Variants in TXNL1 observed in about 807,000 individuals in gnomAD.
The protein encoded by TXNL1 is thioredoxin like 1.
Under a neutral mutation model 35.5 loss-of-function variants are expected in TXNL1, and 14 were observed. The observed-to-expected ratio is 0.39, with a 90% CI of 0.26 to 0.62. The LOEUF (loss-of-function observed/expected upper bound fraction) is 0.62. Among genes scored for constraint, TXNL1 ranks in the 20% least tolerant of loss-of-function variants. The pLI is 0.47. For missense variants in TXNL1, 263 were observed against 349.7 expected, an observed-to-expected ratio of 0.75 and a Z score of 1.98; for synonymous variants, 110 against 115.5, an observed-to-expected ratio of 0.95 and a Z score of 0.31.
At chr18:56,637,563 C>G (rs1474736982) in intron 1 of TXNL1, among the ~76,000 whole-genome samples, 1 of 152,150 alleles carries the variant, frequency 6.6e-6, no homozygotes, top group Non-Finnish European at 1.5e-5. Flanking sequence ...ACCTTTTCTA[C>G]GACCTATAAT....
intron 6 of TXNL1, among the ~76,000 whole-genome samples, chr18:56,613,447 G>C (rs965457122): frequency 6.6e-6 from 1 of 152,158 alleles, no homozygotes; most frequent in African/African-American, 2.4e-5. Context: ...CTAAAAATTA[G>C]CTGATTCTTG....
rs762819272 is a variant in TXNL1, at chr18:56,616,347, C to G, written c.493-33G>C. On this transcript the variant is annotated intron_variant, in intron 4 of 7. Transcript: ENST00000217515. ...GATAAGAGTTTCATTTTAAAGGGCT[C>G]TTGTACACACCTTGAGTACATAAAC... 7 of 1,573,732 alleles carry G rather than the reference C, an allele frequency of 4.4e-6. No individual in the cohort carries two copies. In the Admixed American group the frequency reaches 1.2e-4, roughly 27 times the overall value.
intron 1 of TXNL1, among the ~76,000 whole-genome samples, chr18:56,637,929 A>G (rs1372867141): frequency 6.6e-6 from 1 of 152,220 alleles, no homozygotes; most frequent in Non-Finnish European, 1.5e-5. Context: ...GAAGAGAAAC[A>G]AAGTGTTCGG....
intron 6 of TXNL1, 131 bp from the exon 7 acceptor site, chr18:56,611,228 A>T: frequency 1.7e-6 from 1 of 586,718 alleles, no homozygotes; most frequent in South Asian, 1.9e-5. Context: ...GGCTGGGTGC[A>T]GTGGCTCACG....
chr18:56,615,964 C>T (rs2024079347), intron 5 of TXNL1, among the ~76,000 whole-genome samples: 1 of 151,662 alleles, frequency 6.6e-6, no homozygotes, highest in Non-Finnish European at 1.5e-5. Context: ...AAATCCTGTA[C>T]TAAACACAAA....
chr18:56,635,496 G>C (rs1221490079), intron 1 of TXNL1, among the ~76,000 whole-genome samples: 1 of 152,158 alleles, frequency 6.6e-6, no homozygotes, highest in African/African-American at 2.4e-5. Flanking sequence ...TATGCTAAGT[G>C]AAGTCAAAAA....
rs1397934887 is a variant in TXNL1 at position 56,624,388 on chromosome 18, T to C, written c.269A>G (p.Gln90Arg). The C allele has an allele frequency of 5.0e-6, 8 of 1,613,822 alleles. No individual in the cohort carries two copies. The Admixed American group carries it at 6.7e-5, about 13-fold the overall frequency. The change falls in exon 3 of 8, where the codon CAA becomes CGA. Residue 90 changes from glutamine to arginine, a missense_variant. Transcript: ENST00000217515. ...TCCCACAGCATCTGCTCCTTGATAT[T>C]GATCAATTCTCACTTTGTTTCGAAA... ...LFFRNKVRIDQYQGADAVGLE... is the reference protein window; with the variant it reads ...LFFRNKVRIDRYQGADAVGLE...
chr18:56,622,975 C>G (rs1447086920), intron 3 of TXNL1, among the ~76,000 whole-genome samples: 1 of 152,104 alleles, frequency 6.6e-6, no homozygotes, highest in Non-Finnish European at 1.5e-5. Flanking sequence ...TTCTGACACC[C>G]TTACAATCTC....
At chr18:56,630,294 T>C (rs1447415380) in intron 1 of TXNL1, among the ~76,000 whole-genome samples, 1 of 151,900 alleles carries the variant, frequency 6.6e-6, no homozygotes, top group African/African-American at 2.4e-5. Flanking sequence ...TTGGGGAATA[T>C]TTGAAAAGAA....
chr18:56,612,307 T>C (rs1428372595), intron 6 of TXNL1, among the ~76,000 whole-genome samples: 1 of 152,084 alleles, frequency 6.6e-6, no homozygotes, highest in East Asian at 1.9e-4. Context: ...GATATTCCTG[T>C]ATCCATTCTA....
chr18:56,621,216 T>TG (rs1487488477), intron 3 of TXNL1, among the ~76,000 whole-genome samples: 2 of 151,850 alleles, frequency 1.3e-5, no homozygotes, highest in African/African-American at 4.8e-5. Context: ...TTTTTTTTTT[T>TG]TTTTTTGAAA....
intron 1 of TXNL1, among the ~76,000 whole-genome samples, chr18:56,627,281 T>C (rs2144325572): frequency 6.6e-6 from 1 of 152,254 alleles, no homozygotes; most frequent in Non-Finnish European, 1.5e-5. Context: ...ATGGAGGAAT[T>C]TACTCTGCTT....
In TXNL1 at chr18:56,599,118, A is replaced by C. The variant is rs899402940; in HGVS notation, c.*3909T>G. On this transcript the variant is annotated 3_prime_UTR_variant, in exon 8 of 8. Coordinates refer to ENST00000217515, the MANE Select transcript of TXNL1 (RefSeq NM_004786.3). The stretch of plus-strand genomic sequence containing the variant: ...GATTTTAATATTCCAAGCTGTGTAC[A>C]ATTTTAGTACATTCAAATTCTAAAG... 1.3e-5 allele frequency: 2 copies of C among 152,240 alleles called. No homozygotes were observed. Among genetic ancestry groups the C allele is most frequent in the African/African-American group, 4.8e-5 (2 of 41,468 alleles). The allele number at this position is 152,240 out of a possible 1,614,324, so 9.4% of individuals were successfully genotyped here. A position where few individuals can be genotyped will look rare whatever the true frequency, so the allele number is the denominator to read the frequency against.
chr18:56,606,600 C>T (rs1048833292), intron 7 of TXNL1, among the ~76,000 whole-genome samples: 25 of 152,186 alleles, frequency 1.6e-4, no homozygotes, highest in Non-Finnish European at 5.9e-5. Flanking sequence ...TAGTTCAAGG[C>T]CCTCTTTCTT....
intron 6 of TXNL1, among the ~76,000 whole-genome samples, chr18:56,612,419 T>A (rs1168607681): frequency 6.6e-6 from 1 of 151,998 alleles, no homozygotes; most frequent in Non-Finnish European, 1.5e-5. Flanking sequence ...ATTTAATAAC[T>A]CCCCTCAGCA....
intron 3 of TXNL1, among the ~76,000 whole-genome samples, chr18:56,621,779 C>G (rs139042151): frequency 0.019 from 2,818 of 152,014 alleles, 72 homozygotes; most frequent in African/African-American, 0.062. Context: ...ACAGGTGGAT[C>G]ACCTGAGGTC....
chr18:56,631,246 T>C (rs1467316463), intron 1 of TXNL1, among the ~76,000 whole-genome samples: 1 of 152,140 alleles, frequency 6.6e-6, no homozygotes, highest in Non-Finnish European at 1.5e-5. Flanking sequence ...CAAATTTCCA[T>C]TAGCTGAGAT....
chr18:56,600,222 A>G lies in TXNL1; in HGVS notation c.*2805T>C, dbSNP rs184737436. ...AACTGCATTCCTATAATCGCTGCCA[A>G]AAACACTGCATACATCCTCAAACAT... On this transcript the variant is annotated 3_prime_UTR_variant, in exon 8 of 8. Coordinates refer to ENST00000217515, the MANE Select transcript of TXNL1 (RefSeq NM_004786.3). 6.6e-5 allele frequency: 10 copies of G among 152,402 alleles called. No individual in the cohort carries two copies. In the East Asian group the frequency reaches 1.3e-3, roughly 21 times the overall value. The allele number at this position is 152,402 out of a possible 1,614,324, so 9.4% of individuals were successfully genotyped here. A position where few individuals can be genotyped will look rare whatever the true frequency, so the allele number is the denominator to read the frequency against.
At chr18:56,637,243 G>T (rs2024469885) in intron 1 of TXNL1, among the ~76,000 whole-genome samples, 1 of 152,068 alleles carries the variant, frequency 6.6e-6, no homozygotes, top group Non-Finnish European at 1.5e-5. Flanking sequence ...GAACCATCTA[G>T]TAGAAACTTT....
Sources: gnomAD v4.1 joint callset for allele counts (sites outside exome capture counted in the v4.1 genomes callset) on GRCh38, gnomAD v4.1.1 for gene constraint, MANE v1.5 for transcripts, NCBI Gene and HGNC (gene_info 2026-07-23, HGNC 2026-07-21) for gene names.